The following LY96 variants were observed in gnomAD, a reference collection of about 807,000 sequenced individuals.
LY96 encodes myeloid differentiation protein-2.
LY96 carries 18 observed loss-of-function variants against 18.9 expected under a neutral mutation model. That is an observed-to-expected ratio of 0.95 (90% CI 0.66 to 1.41). The LOEUF (loss-of-function observed/expected upper bound fraction) is 1.41. LY96 is among the 40% of genes most tolerant of loss of function. LY96 has a pLI of 0.00. For missense variants in LY96, 175 were observed against 182.4 expected (o/e 0.96, Z 0.23); for synonymous variants, 66 against 62.6 (o/e 1.06, Z -0.26).
chr8:74,096,813 G>T, the LY96 span, among the ~76,000 whole-genome samples: 2 of 152,288 alleles, frequency 1.3e-5, no homozygotes, highest in South Asian at 4.1e-4. Flanking sequence ...TGGCTGGCTT[G>T]CTCCCAGGGT....
At chr8:74,058,877 C>G in the LY96 span, among the ~76,000 whole-genome samples, 1 of 152,152 alleles carries the variant, frequency 6.6e-6, no homozygotes, top group African/African-American at 2.4e-5. Flanking sequence ...AGAAGTCCCA[C>G]AGTTTGCTGT....
At chr8:74,058,517 G>A in the LY96 span, among the ~76,000 whole-genome samples, 143 of 144,970 alleles carry the variant, frequency 9.9e-4, 4 homozygotes, top group East Asian at 0.023. Flanking sequence ...TATCTAGAAA[G>A]TTTTTCTTTT....
chr8:74,054,635 T>TCTTC, the LY96 span, among the ~76,000 whole-genome samples: 1 of 127,432 alleles, frequency 7.8e-6, no homozygotes, highest in East Asian at 2.4e-4. Flanking sequence ...TTTCTTTCTT[T>TCTTC]CTTTCTTTCT....
intron 1 of LY96, among the ~76,000 whole-genome samples, chr8:73,991,797 C>T (rs1243978212): frequency 6.6e-6 from 1 of 152,184 alleles, no homozygotes; most frequent in Non-Finnish European, 1.5e-5. Context: ...CTTCTGTTCC[C>T]TGCGTCATCT....
At chr8:74,029,864 T>C (rs1468906443), downstream of LY96, among the ~76,000 whole-genome samples, 1 of 152,178 alleles carries the variant, frequency 6.6e-6, no homozygotes, top group Admixed American at 6.5e-5. Context: ...TTCACCATAT[T>C]GGTCAGGCTG....
chr8:74,086,133 C>A, the LY96 span, among the ~76,000 whole-genome samples: 1 of 152,214 alleles, frequency 6.6e-6, no homozygotes, highest in Middle Eastern at 3.4e-3. Flanking sequence ...TGAAATCTTT[C>A]CTGGATCTTT....
intron 1 of LY96, among the ~76,000 whole-genome samples, chr8:73,992,836 C>CTGTGTGTGTG (rs34327741): frequency 0.053 from 7,519 of 141,696 alleles, 247 homozygotes; most frequent in African/African-American, 0.073. Flanking sequence ...AATTATGCCA[C>CTGTGTGTGTG]TGTGTGTGTG....
the LY96 span, among the ~76,000 whole-genome samples, chr8:74,046,458 A>G: frequency 6.6e-6 from 1 of 152,332 alleles, no homozygotes; most frequent in Admixed American, 6.5e-5. Context: ...CTTGCTATTT[A>G]TTAGGAACAC....
chr8:74,031,589 G>A (rs1816970395), downstream of LY96, among the ~76,000 whole-genome samples: 1 of 149,914 alleles, frequency 6.7e-6, no homozygotes, highest in Non-Finnish European at 1.5e-5. Flanking sequence ...CCGAGATCGT[G>A]CCACTACTGC....
At chr8:74,097,408 T>A in the LY96 span, among the ~76,000 whole-genome samples, 3 of 151,858 alleles carry the variant, frequency 2.0e-5, no homozygotes, top group African/African-American at 7.3e-5. Context: ...AATAGAAGAG[T>A]TGATATTTAT....
At chr8:74,051,575 C>A in the LY96 span, among the ~76,000 whole-genome samples, 1 of 152,132 alleles carries the variant, frequency 6.6e-6, no homozygotes, top group Non-Finnish European at 1.5e-5. Context: ...CCCAAAATTC[C>A]TGTGTTGCAA....
chr8:74,028,756 A>G (rs1816919181), intron 4 of LY96, among the ~76,000 whole-genome samples, 200 bp from the exon 5 acceptor site: 1 of 152,220 alleles, frequency 6.6e-6, no homozygotes, highest in African/African-American at 2.4e-5. Context: ...TTTTAAAAAT[A>G]ACATAATCTT....
chr8:74,080,988 T>TC, the LY96 span, among the ~76,000 whole-genome samples: 1 of 45,390 alleles, frequency 2.2e-5, no homozygotes, highest in Non-Finnish European at 4.5e-5. Flanking sequence ...TTCTCTCTCT[T>TC]TCTTTCTTTC....
chr8:74,004,009 C>T (rs1230259611), intron 1 of LY96, among the ~76,000 whole-genome samples: 3 of 152,132 alleles, frequency 2.0e-5, no homozygotes, highest in African/African-American at 7.2e-5. Context: ...GGAACTGTGG[C>T]ATCTACCAGC....
chr8:74,043,371 A>G, the LY96 span, among the ~76,000 whole-genome samples: 1 of 152,132 alleles, frequency 6.6e-6, no homozygotes, highest in Non-Finnish European at 1.5e-5. Flanking sequence ...TTGCTGTCAG[A>G]ATTCTGTAGG....
At chr8:74,063,002 C>G in the LY96 span, among the ~76,000 whole-genome samples, 3,769 of 152,278 alleles carry the variant, frequency 0.025, 158 homozygotes, top group African/African-American at 0.086. Flanking sequence ...TATCAGAAAT[C>G]TTGGAGTGTC....
chr8:74,084,307 C>G, the LY96 span, among the ~76,000 whole-genome samples: 3 of 152,192 alleles, frequency 2.0e-5, no homozygotes, highest in East Asian at 5.8e-4. Context: ...CACGGATTAA[C>G]TCAGTCCCTT....
the LY96 span, among the ~76,000 whole-genome samples, chr8:74,098,850 T>A: frequency 6.6e-6 from 1 of 152,196 alleles, no homozygotes; most frequent in Admixed American, 6.5e-5. Flanking sequence ...AGTTAGCAAT[T>A]CTAAGAGATT....
chr8:74,056,137 A>T, the LY96 span: 1 of 169,438 alleles, frequency 5.9e-6, no homozygotes, highest in Non-Finnish European at 1.3e-5. Flanking sequence ...GAAAATTCAA[A>T]CTAATTACTG....
Sources: allele counts gnomAD v4.1 joint callset (sites outside exome capture counted in the v4.1 genomes callset), GRCh38; gene constraint gnomAD v4.1.1; transcripts MANE v1.5; gene names NCBI Gene and HGNC (gene_info 2026-07-23, HGNC 2026-07-21).